Variants in LRRC38 observed in about 807,000 individuals in gnomAD.
LRRC38 encodes leucine-rich repeat-containing protein 38.
A neutral mutation model predicts 16.4 loss-of-function variants in LRRC38; 5 were observed. The ratio of observed to expected loss-of-function variants is 0.31; its 90% CI spans 0.16 to 0.64. LRRC38 has a LOEUF of 0.64. Among genes scored for constraint, LRRC38 ranks in the 30% least tolerant of loss-of-function variants. The probability of loss-of-function intolerance (pLI) is 0.80; values close to 1 mark genes in which losing one functional copy is unlikely to be tolerated. For missense variants in LRRC38, 341 were observed against 401.8 expected (o/e 0.85, Z 1.29); for synonymous variants, 191 against 190.2 (o/e 1.00, Z -0.04).
chr1:13,481,755 T>TTC (rs1638862782), intron 1 of LRRC38, among the ~76,000 whole-genome samples: 7 of 88,016 alleles, frequency 8.0e-5, no homozygotes. Flanking sequence ...GCCTCTCACT[T>TTC]TCTTTCCCTC....
chr1:13,506,186 G>A (rs1639211213), intron 1 of LRRC38, among the ~76,000 whole-genome samples: 1 of 152,094 alleles, frequency 6.6e-6, no homozygotes, highest in South Asian at 2.1e-4. Context: ...AAGAGGTGGA[G>A]CATGGAAGGT....
chr1:13,486,480 T>A (rs368035213), intron 1 of LRRC38, among the ~76,000 whole-genome samples: 64 of 152,174 alleles, frequency 4.2e-4, no homozygotes, highest in African/African-American at 1.5e-3. Context: ...ACATATTTCA[T>A]ACCCACCTGT....
chr1:13,503,159 G>T (rs1639170245), intron 1 of LRRC38, among the ~76,000 whole-genome samples: 1 of 152,180 alleles, frequency 6.6e-6, no homozygotes, highest in Non-Finnish European at 1.5e-5. Context: ...AGAATGAAAA[G>T]GGGCCCTCTT....
chr1:13,475,681 G>A lies in LRRC38; in HGVS notation c.*165C>T. The A allele has an allele frequency of 2.5e-6, 2 of 804,610 alleles. No homozygotes were observed. The highest frequency in any genetic ancestry group is 1.9e-6 in the Non-Finnish European group (1 of 524,586). The allele number at this position is 804,610 out of a possible 1,614,324, so 49.8% of individuals were successfully genotyped here. A position where few individuals can be genotyped will look rare whatever the true frequency, so the allele number is the denominator to read the frequency against. On this transcript the variant is annotated 3_prime_UTR_variant, in exon 2 of 2. Coordinates refer to ENST00000376085, the MANE Select transcript of LRRC38 (RefSeq NM_001010847.2). This position sits in a 1 kb window ranked among gnomAD's most constrained non-coding sequence, Gnocchi z 4.3. ...GTGCTCTGCTGATTCTAAACTCTGA[G>A]ATCAGTGGTCCCAGCAGGTGTACCC...
intron 1 of LRRC38, among the ~76,000 whole-genome samples, chr1:13,480,983 A>G (rs1638846632): frequency 6.6e-6 from 1 of 152,164 alleles, no homozygotes; most frequent in Admixed American, 6.5e-5. Flanking sequence ...TGGACTAAAC[A>G]TTTAGATCCC....
intron 1 of LRRC38, among the ~76,000 whole-genome samples, chr1:13,494,888 T>C (rs1639063697): frequency 6.6e-6 from 1 of 152,274 alleles, no homozygotes; most frequent in Non-Finnish European, 1.5e-5. Context: ...ATGGTCAGCC[T>C]CGCTGTCCCA....
chr1:13,478,409 A>G (rs1324824102), intron 1 of LRRC38, among the ~76,000 whole-genome samples: 1 of 152,238 alleles, frequency 6.6e-6, no homozygotes, highest in East Asian at 1.9e-4. Context: ...GCAGCTTCAC[A>G]GTGATGAAGC....
chr1:13,476,253 TGAAAA>T (rs759600974), intron 1 of LRRC38, among the ~76,000 whole-genome samples, 154 bp from the exon 2 acceptor site: 1 of 144,808 alleles, frequency 6.9e-6, no homozygotes, highest in Non-Finnish European at 1.5e-5. Flanking sequence ...AATTTAAACT[TGAAAA>T]AAAAAAAAAA....
At position 13,487,033 on chromosome 1, in the gene LRRC38, C is replaced by T. The variant is rs1000831895; in HGVS notation, c.632-10934G>A. Among the ~76,000 whole-genome samples, 7 of 152,200 alleles carry T rather than the reference C, an allele frequency of 4.6e-5. No homozygotes were observed. Among genetic ancestry groups the T allele is most frequent in the Non-Finnish European group, 1.0e-4 (7 of 68,046 alleles). ...GCTGGAACCCGTTCAGTCCAGCCAGCAGCCCCACCCTGCAGAAACTGTCCA... is the reference window on the plus strand; with the variant it reads ...GCTGGAACCCGTTCAGTCCAGCCAGTAGCCCCACCCTGCAGAAACTGTCCA... On this transcript the variant is annotated intron_variant, in intron 1 of 1. Coordinates refer to ENST00000376085, the MANE Select transcript of LRRC38 (RefSeq NM_001010847.2). The surrounding 1 kb of genome is among the most constrained non-coding windows in gnomAD (Gnocchi z 4.4).
chr1:13,505,364 C>A (rs1466357342), intron 1 of LRRC38, among the ~76,000 whole-genome samples: 3 of 152,226 alleles, frequency 2.0e-5, no homozygotes, highest in Non-Finnish European at 4.4e-5. Context: ...GAAAGAAACC[C>A]TGAGAACATG....
intron 1 of LRRC38, among the ~76,000 whole-genome samples, chr1:13,501,792 T>G (rs1639153726): frequency 1.3e-5 from 2 of 151,326 alleles, no homozygotes; most frequent in Middle Eastern, 3.4e-3. Flanking sequence ...TTGTTTGTTT[T>G]TTGAGATAGA....
chr1:13,502,669 T>A (rs1639164461), intron 1 of LRRC38, among the ~76,000 whole-genome samples: 1 of 152,236 alleles, frequency 6.6e-6, no homozygotes, highest in African/African-American at 2.4e-5. Flanking sequence ...CCTCCTCATT[T>A]GCAAACATTC....
intron 1 of LRRC38, among the ~76,000 whole-genome samples, chr1:13,509,514 G>T (rs1316004885): frequency 6.6e-6 from 1 of 152,088 alleles, no homozygotes; most frequent in Non-Finnish European, 1.5e-5. Flanking sequence ...CAGGGCTAGG[G>T]ACAGCAAGTG....
intron 1 of LRRC38, among the ~76,000 whole-genome samples, chr1:13,512,567 C>T (rs1008626448): frequency 6.6e-6 from 1 of 152,100 alleles, no homozygotes; most frequent in Non-Finnish European, 1.5e-5. Flanking sequence ...CTGGCTGACT[C>T]CCCGTGCACG....
At chr1:13,503,637 A>G (rs1639175929) in intron 1 of LRRC38, among the ~76,000 whole-genome samples, 1 of 152,128 alleles carries the variant, frequency 6.6e-6, no homozygotes, top group Non-Finnish European at 1.5e-5. Context: ...AACCTCACCC[A>G]GCTGACCCTG....
At position 13,513,695 on chromosome 1, in the gene LRRC38, G is replaced by A; in HGVS notation, c.-102C>T. The stretch of plus-strand genomic sequence containing the variant: ...AGGCACTGGCTGCCGGGCGCGGGGA[G>A]CCAGAGGGCGGCCCGGGCGGGGAGG... On this transcript the variant is annotated 5_prime_UTR_variant, in exon 1 of 2. Coordinates refer to ENST00000376085, the MANE Select transcript of LRRC38 (RefSeq NM_001010847.2). The A allele has an allele frequency of 1.3e-6, 1 of 784,068 alleles. No homozygotes were observed. Among genetic ancestry groups the A allele is most frequent in the Non-Finnish European group, 1.6e-6 (1 of 642,606 alleles). The allele number at this position is 784,068 out of a possible 1,614,324, so 48.6% of individuals were successfully genotyped here. A position where few individuals can be genotyped will look rare whatever the true frequency, so the allele number is the denominator to read the frequency against.
chr1:13,512,920 T>TTCCCCCCCCCCCC, intron 1 of LRRC38, 43 bp downstream of exon 1: 1 of 1,269,028 alleles, frequency 7.9e-7, no homozygotes, highest in South Asian at 1.4e-5. Context: ...GGCCTCTCCC[T>TTCCCCCCCCCCCC]GCCCCCCTCC....
intron 1 of LRRC38, among the ~76,000 whole-genome samples, chr1:13,512,420 G>A (rs984947652): frequency 2.6e-5 from 4 of 152,156 alleles, no homozygotes; most frequent in Admixed American, 6.5e-5. Context: ...AATCATTACT[G>A]CATCATTGGC....
At position 13,512,989 on chromosome 1, in the gene LRRC38, T is replaced by C. The variant is rs1359804068; in HGVS notation, c.605A>G (p.Gln202Arg). The C allele has an allele frequency of 7.4e-7, 1 of 1,344,518 alleles. No individual in the cohort carries two copies. The highest frequency in any genetic ancestry group is 9.8e-7 in the Non-Finnish European group (1 of 1,018,140). The allele number at this position is 1,344,518 out of a possible 1,614,324, so 83.3% of individuals were successfully genotyped here. Reference sequence around the variant, plus strand: ...TTTGGGCAGTTTGGATGCGTTCTCCTGGATCCAGGAGAAGAGGTGGGCGAA... The same window carrying C: ...TTTGGGCAGTTTGGATGCGTTCTCCCGGATCCAGGAGAAGAGGTGGGCGAA... ...CDFAHLFSWI[Q>R]ENASKLPKGL... The change falls in exon 1 of 2, where the codon CAG becomes CGG. Residue 202 changes from glutamine to arginine, a missense_variant. By Grantham distance (43) the Gln-to-Arg change is conservative. Transcript: ENST00000376085.
Sources: allele counts gnomAD v4.1 joint callset (sites outside exome capture counted in the v4.1 genomes callset), GRCh38; gene constraint gnomAD v4.1.1; non-coding constraint Gnocchi (gnomAD v3.1); transcripts MANE v1.5; gene names NCBI Gene and HGNC (gene_info 2026-07-23, HGNC 2026-07-21).